AHI1: variants seen among roughly 807,000 people sequenced by gnomAD.
The protein encoded by AHI1 is Abelson helper integration site 1.
AHI1 carries 123 observed loss-of-function variants against 149.3 expected under a neutral mutation model. The observed-to-expected ratio is 0.82, with a 90% CI of 0.71 to 0.96. The LOEUF is 0.96. Ranked by LOEUF, AHI1 falls within the 40% of genes least tolerant of loss-of-function variation. The probability of loss-of-function intolerance (pLI) is 0.00; values close to 1 mark genes in which losing one functional copy is unlikely to be tolerated. For synonymous variants in AHI1, 475 were observed against 459.8 expected (o/e 1.03, Z -0.42); for missense variants, 1,439 against 1,422.7 (o/e 1.01, Z -0.18).
chr6:135,394,749 A>T (rs1440240760), intron 23 of AHI1, 27 bp downstream of exon 23: 2 of 1,608,194 alleles, frequency 1.2e-6, no homozygotes, highest in Non-Finnish European at 1.7e-6. Context: ...CATTTAAAAG[A>T]ATTGTCAAAG....
chr6:135,385,900 C>T (rs1777509173), intron 23 of AHI1, among the ~76,000 whole-genome samples: 1 of 152,094 alleles, frequency 6.6e-6, no homozygotes. Flanking sequence ...CTTAACTTAC[C>T]CCAGACACAT....
intron 24 of AHI1, among the ~76,000 whole-genome samples, chr6:135,335,276 A>G (rs1166313933): frequency 6.6e-6 from 1 of 152,060 alleles, no homozygotes; most frequent in African/African-American, 2.4e-5. Context: ...AACTAGGAGT[A>G]TAGTATATAA....
rs1329408854 is a variant in AHI1, at chr6:135,323,241, T to G, written c.3249A>C (p.Lys1083Asn). ...TGCCATACCACCAGTCTTCATTATC[T>G]TTGAAAAACACTCGGATAATGTCTC... is the stretch of plus-strand genomic sequence containing the variant. ...HRGDIIRVFF[K>N]DNEDWWYGSI... is the part of the protein sequence containing the mutation. The change falls in exon 25 of 29, where the codon AAA becomes AAC. Residue 1083 changes from lysine (K) to asparagine (N), a missense_variant. By Grantham distance (94) the Lys-to-Asn change is moderately conservative. Coordinates refer to ENST00000265602, the MANE Select transcript of AHI1 (RefSeq NM_001134831.2). The G allele has an allele frequency of 4.3e-6, 7 of 1,613,904 alleles. No individual in the cohort carries two copies. The highest frequency in any genetic ancestry group is 5.9e-6 in the Non-Finnish European group (7 of 1,179,844).
At chr6:135,482,893 G>GGTTTTTTTTTTTTTTT (rs1491384083) in intron 5 of AHI1, among the ~76,000 whole-genome samples, 1 of 5,788 alleles carries the variant, frequency 1.7e-4, no homozygotes, top group South Asian at 8.6e-3. Flanking sequence ...TCCATTTAAG[G>GGTTTTTTTTTTTTTTT]CTTTTTTTTT....
At position 135,427,268 on chromosome 6, in the gene AHI1, G is replaced by A. The variant is rs1784040238; in HGVS notation, c.2663C>T (p.Ser888Leu). Reference sequence around the variant, plus strand: ...ATGATAAGAAATGTCTCGAATGGGTGACTTGAATGGCAAGTCAGAATACAT... The same window carrying A: ...ATGATAAGAAATGTCTCGAATGGGTAACTTGAATGGCAAGTCAGAATACAT... ...VAMYSDLPFK[S>L]PIRDISYHPF... Residue 888 changes from serine (S) to leucine (L), a missense_variant, in exon 20 of 29, where the codon TCA (serine) becomes TTA (leucine). Physicochemically the swap from Ser to Leu is moderately radical, Grantham distance 145 (BLOSUM62 -2). Coordinates refer to ENST00000265602, the MANE Select transcript of AHI1 (RefSeq NM_001134831.2). The A allele has an allele frequency of 6.2e-7, 1 of 1,610,066 alleles. No homozygotes were observed. Among genetic ancestry groups the A allele is most frequent in the Non-Finnish European group, 8.5e-7 (1 of 1,177,558 alleles).
intron 20 of AHI1, among the ~76,000 whole-genome samples, chr6:135,423,235 C>A (rs1245029302): frequency 6.6e-6 from 1 of 151,756 alleles, no homozygotes; most frequent in African/African-American, 2.4e-5. Context: ...TGTTATTAGC[C>A]CCAAATTTAC....
intron 23 of AHI1, among the ~76,000 whole-genome samples, chr6:135,380,744 CA>C (rs138451119): frequency 0.2 from 20,297 of 100,190 alleles, 3,261 homozygotes; most frequent in African/African-American, 0.46. Flanking sequence ...CCCCCCCCCC[CA>C]AAAAAAAAGT....
intron 12 of AHI1, 114 bp downstream of exon 12, chr6:135,448,176 A>T (rs1221651853): frequency 1.5e-6 from 1 of 667,880 alleles, no homozygotes; most frequent in Admixed American, 4.1e-5. Context: ...TAACCCCAGA[A>T]ATCTATTAAA....
At chr6:135,378,120 T>C (rs562373361) in intron 23 of AHI1, among the ~76,000 whole-genome samples, 1 of 152,184 alleles carries the variant, frequency 6.6e-6, no homozygotes, top group Admixed American at 6.5e-5. Flanking sequence ...GCCCTGACTC[T>C]GGGGCCATTC....
chr6:135,340,527 G>A (rs1790134330), intron 24 of AHI1, among the ~76,000 whole-genome samples: 1 of 150,958 alleles, frequency 6.6e-6, no homozygotes, highest in Non-Finnish European at 1.5e-5. Context: ...TGCCCTTCAA[G>A]AAAAACAGAA....
intron 23 of AHI1, among the ~76,000 whole-genome samples, chr6:135,379,504 CTTCT>C (rs756537239): frequency 3.9e-5 from 6 of 152,180 alleles, no homozygotes; most frequent in South Asian, 2.1e-4. Flanking sequence ...GCCTTATTGT[CTTCT>C]TTAACACAGA....
chr6:135,377,606 G>A (rs1055188916), intron 23 of AHI1, among the ~76,000 whole-genome samples: 1 of 151,752 alleles, frequency 6.6e-6, no homozygotes, highest in Non-Finnish European at 1.5e-5. Flanking sequence ...TCAGCCACCC[G>A]AGTAGTGGGA....
At chr6:135,433,759 G>T (rs1784991118) in intron 15 of AHI1, among the ~76,000 whole-genome samples, 1 of 151,838 alleles carries the variant, frequency 6.6e-6, no homozygotes, top group African/African-American at 2.4e-5. Context: ...AGATCTCAAA[G>T]ATTTAAGAGA....
chr6:135,389,236 G>A (rs777191476), intron 23 of AHI1, among the ~76,000 whole-genome samples: 13 of 140,002 alleles, frequency 9.3e-5, no homozygotes, highest in Non-Finnish European at 1.5e-4. Flanking sequence ...GAGTGAACCC[G>A]GGAGGCAGAG....
At chr6:135,384,908 G>A (rs1777354730) in intron 23 of AHI1, among the ~76,000 whole-genome samples, 1 of 152,104 alleles carries the variant, frequency 6.6e-6, no homozygotes, top group Non-Finnish European at 1.5e-5. Context: ...GCCCACCATG[G>A]TGAAATCCCG....
At chr6:135,408,484 TTAAC>T (rs1195872273) in intron 21 of AHI1, among the ~76,000 whole-genome samples, 1 of 151,970 alleles carries the variant, frequency 6.6e-6, no homozygotes, top group Non-Finnish European at 1.5e-5. Context: ...ATTCTAAAAG[TTAAC>T]TAAGAAATAT....
At chr6:135,296,241 T>C (rs760635539) in intron 27 of AHI1, among the ~76,000 whole-genome samples, 2 of 152,244 alleles carry the variant, frequency 1.3e-5, no homozygotes, top group East Asian at 1.9e-4. Context: ...ACTAACTTCA[T>C]GGCTCCCACT....
At chr6:135,336,112 TAAAAAAAA>T (rs57344793) in intron 24 of AHI1, among the ~76,000 whole-genome samples, 1 of 76,492 alleles carries the variant, frequency 1.3e-5, no homozygotes, top group Non-Finnish European at 2.6e-5. Context: ...AAACTCCGTC[TAAAAAAAA>T]AAAAAAAAAA....
intron 24 of AHI1, among the ~76,000 whole-genome samples, chr6:135,350,683 C>A (rs1791952492): frequency 6.6e-6 from 1 of 152,006 alleles, no homozygotes; most frequent in South Asian, 2.1e-4. Context: ...TAACATTTAC[C>A]TGGGATCTCA....
Sources: gnomAD v4.1 joint callset for allele counts (sites outside exome capture counted in the v4.1 genomes callset) on GRCh38, gnomAD v4.1.1 for gene constraint, MANE v1.5 for transcripts, NCBI Gene and HGNC (gene_info 2026-07-23, HGNC 2026-07-21) for gene names.